Variants in OR2G6 observed in about 807,000 individuals in gnomAD.
OR2G6 encodes olfactory receptor 2G6.
For synonymous variants in OR2G6, 183 were observed against 155.2 expected, an observed-to-expected ratio of 1.18 and a Z score of -1.33; for missense variants, 457 against 391.3, an observed-to-expected ratio of 1.17 and a Z score of -1.42.
Position 248,523,365 on chromosome 1 carries a change from CAAAT to C in OR2G6, c.*771_*774del, listed in dbSNP as rs945189570. The C allele has an allele frequency of 6.6e-6, 1 of 152,068 alleles. No individual in the cohort carries two copies. Among genetic ancestry groups the C allele is most frequent in the African/African-American group, 2.4e-5 (1 of 41,416 alleles). The allele number at this position is 152,068 out of a possible 1,614,324, so 9.4% of individuals were successfully genotyped here. ...ATGACTAATATTTTATTAAAGGAAT[CAAAT>C]AAGCAAACTTGAATTAAGGAGATTG... is the stretch of plus-strand genomic sequence containing the variant. On this transcript the variant is annotated 3_prime_UTR_variant, in exon 2 of 2. Coordinates refer to ENST00000641804, the MANE Select transcript of OR2G6 (RefSeq NM_001013355.2).
At position 248,522,384 on chromosome 1, in the gene OR2G6, T is replaced by G; in HGVS notation, c.738T>G (p.Val246=). ...TTGGGACCTGTTCGTCTCACCTGGT[T>G]GTGGTCATCATTTTCTATGGGACCA... The part of the protein sequence containing the change: ...KAFGTCSSHL[V]VVIIFYGTII... Residue 246 remains valine (V), a synonymous_variant, in exon 2 of 2, where the codon GTT becomes GTG. Coordinates refer to ENST00000641804, the MANE Select transcript of OR2G6 (RefSeq NM_001013355.2). 4 of 1,614,222 alleles carry G rather than the reference T, an allele frequency of 2.5e-6. No homozygotes were observed. Among genetic ancestry groups the G allele is most frequent in the Non-Finnish European group, 3.4e-6 (4 of 1,180,028 alleles).
At position 248,524,379 on chromosome 1, in the gene OR2G6, A is replaced by C. The variant is rs1664353648; in HGVS notation, c.*1782A>C. On this transcript the variant is annotated 3_prime_UTR_variant, in exon 2 of 2. Coordinates refer to ENST00000641804, the MANE Select transcript of OR2G6 (RefSeq NM_001013355.2). ...TATTCTTATGTGATTTTCCTCCTCC[A>C]GTAATGGAGAGGAGAGTTGGGAACT... is the stretch of plus-strand genomic sequence containing the variant. The C allele has an allele frequency of 6.6e-6, 1 of 152,238 alleles. No homozygotes were observed. 9.4% of individuals were successfully genotyped at this position (152,238 alleles called of 1,614,324 possible).
At position 248,526,166 on chromosome 1, in the gene OR2G6, A is replaced by C. The variant is rs1214715675; in HGVS notation, c.*3569A>C. 6.6e-6 allele frequency: 1 copy of C among 152,224 alleles called. No individual in the cohort carries two copies. Among genetic ancestry groups the C allele is most frequent in the Non-Finnish European group, 1.5e-5 (1 of 68,042 alleles). The allele number at this position is 152,224 out of a possible 1,614,324, so 9.4% of individuals were successfully genotyped here. On this transcript the variant is annotated 3_prime_UTR_variant, in exon 2 of 2. Coordinates refer to ENST00000641804, the MANE Select transcript of OR2G6 (RefSeq NM_001013355.2). ...ATGGCCAAAGCTATCCTGAGCAAAA[A>C]GAGGAAAAAAGCTGGAGCCATCACA...
rs1027905654 is a variant in OR2G6, at chr1:248,525,291, G to C, written c.*2694G>C. 1.3e-5 allele frequency: 2 copies of C among 152,052 alleles called. No individual in the cohort carries two copies. The highest frequency in any genetic ancestry group is 2.9e-5 in the Non-Finnish European group (2 of 68,018). 9.4% of individuals were successfully genotyped at this position (152,052 alleles called of 1,614,324 possible). ...GTCAATTTGCACACATTACTAGCTT[G>C]ATCTGCAGAACACGTTTTCAAAGGA... is the stretch of plus-strand genomic sequence containing the variant. On this transcript the variant is annotated 3_prime_UTR_variant, in exon 2 of 2. Coordinates refer to ENST00000641804, the MANE Select transcript of OR2G6 (RefSeq NM_001013355.2).
At chr1:248,520,097 G>T (rs1329262306) in intron 1 of OR2G6, among the ~76,000 whole-genome samples, 2 of 152,178 alleles carry the variant, frequency 1.3e-5, no homozygotes, top group Non-Finnish European at 2.9e-5. Context: ...TGCAGCCATA[G>T]AAAAGGATGC....
chr1:248,519,976 C>CATAT (rs74163884), intron 1 of OR2G6, among the ~76,000 whole-genome samples: 4 of 152,178 alleles, frequency 2.6e-5, no homozygotes, highest in Non-Finnish European at 5.9e-5. Flanking sequence ...CACATGGACA[C>CATAT]ATGTTTATTG....
chr1:248,522,164 C>T lies in OR2G6; in HGVS notation c.518C>T (p.Thr173Ile), dbSNP rs747139861. Residue 173 changes from threonine to isoleucine, a missense_variant, in exon 2 of 2, where the codon ACA (threonine) becomes ATA (isoleucine). Physicochemically the swap from Thr to Ile is moderately conservative, Grantham distance 89. Transcript: ENST00000641804. ...CAGCTGCCCCTCTGTGGTCATCGCA[C>T]ACTGGATCATATTTTCTGTGAGGTG... ...TVQLPLCGHR[T>I]LDHIFCEVPV... 12 of 1,614,188 alleles carry T rather than the reference C, an allele frequency of 7.4e-6. No homozygotes were observed. Among genetic ancestry groups the T allele is most frequent in the Non-Finnish European group, 9.3e-6 (11 of 1,180,032 alleles).
chr1:248,521,864 T>A lies in OR2G6; in HGVS notation c.218T>A (p.Phe73Tyr), dbSNP rs1341330128. The A allele has an allele frequency of 3.3e-5, 53 of 1,614,046 alleles. No individual in the cohort carries two copies. Among genetic ancestry groups the A allele is most frequent in the Non-Finnish European group, 4.2e-5 (50 of 1,180,036 alleles). ...AACCTCTCGTGTGTGGACATCTGCT[T>A]TACCACCAGTGTTGCCCCACAGTTG... ...LSNLSCVDIC[F>Y]TTSVAPQLLV... Residue 73 changes from phenylalanine (F) to tyrosine (Y), a missense_variant, in exon 2 of 2, where the codon TTT becomes TAT. Coordinates refer to ENST00000641804, the MANE Select transcript of OR2G6 (RefSeq NM_001013355.2).
rs754902040 is a variant in OR2G6 at position 248,522,632 on chromosome 1, C to CA, written c.*37dup. 2.0e-5 allele frequency: 29 copies of CA among 1,423,682 alleles called. No homozygotes were observed. The highest frequency in any genetic ancestry group is 9.6e-7 in the Non-Finnish European group (1 of 1,041,132). 88.2% of individuals were successfully genotyped at this position (1,423,682 alleles called of 1,614,324 possible). A position where few individuals can be genotyped will look rare whatever the true frequency, so the allele number is the denominator to read the frequency against. ...GGAATTCTAAACAAGGGAAACACCT[C>CA]AAGGCAGAGTGAGGGTTCATCCTCC... On this transcript the variant is annotated 3_prime_UTR_variant, in exon 2 of 2. Transcript: ENST00000641804.
Position 248,523,140 on chromosome 1 carries a change from GATATATGTATAC to G in OR2G6, c.*550_*561del, listed in dbSNP as rs1267158792. The G allele has an allele frequency of 4.5e-5, 7 of 155,552 alleles. No homozygotes were observed. The highest frequency in any genetic ancestry group is 1.7e-4 in the African/African-American group (7 of 41,396). The allele number at this position is 155,552 out of a possible 1,614,324, so 9.6% of individuals were successfully genotyped here. A position where few individuals can be genotyped will look rare whatever the true frequency, so the allele number is the denominator to read the frequency against. Reference sequence around the variant, plus strand: ...TACCATTTCTACATTTCACATTTGAGATATATGTATACATATATCTCTAACTAGGCAAAGCAA... The same window carrying G: ...TACCATTTCTACATTTCACATTTGAGATATATCTCTAACTAGGCAAAGCAA... On this transcript the variant is annotated 3_prime_UTR_variant, in exon 2 of 2. Transcript: ENST00000641804.
chr1:248,523,517 C>A lies in OR2G6; in HGVS notation c.*920C>A, dbSNP rs1664335503. ...AAACAGTTACTTATGTAATTTTATA[C>A]TTCAAAAATTTGAAATATGAATCCC... On this transcript the variant is annotated 3_prime_UTR_variant, in exon 2 of 2. Transcript: ENST00000641804. 1 of 152,106 alleles carries A rather than the reference C, an allele frequency of 6.6e-6. No individual in the cohort carries two copies. The highest frequency in any genetic ancestry group is 2.4e-5 in the African/African-American group (1 of 41,404). 9.4% of individuals were successfully genotyped at this position (152,106 alleles called of 1,614,324 possible).
Position 248,522,629 on chromosome 1 carries a change from C to T in OR2G6, c.*32C>T, listed in dbSNP as rs1166270205. ...CCTGGAATTCTAAACAAGGGAAACA[C>T]CTCAAGGCAGAGTGAGGGTTCATCC... is the stretch of plus-strand genomic sequence containing the variant. On this transcript the variant is annotated 3_prime_UTR_variant, in exon 2 of 2. Transcript: ENST00000641804. 4 of 1,450,278 alleles carry T rather than the reference C, an allele frequency of 2.8e-6. No individual in the cohort carries two copies. The highest frequency in any genetic ancestry group is 1.4e-5 in the African/African-American group (1 of 70,752). 89.8% of individuals were successfully genotyped at this position (1,450,278 alleles called of 1,614,324 possible). A position where few individuals can be genotyped will look rare whatever the true frequency, so the allele number is the denominator to read the frequency against.
Position 248,522,068 on chromosome 1 carries a change from G to C in OR2G6, c.422G>C (p.Cys141Ser). 1.2e-6 allele frequency: 2 copies of C among 1,614,172 alleles called. No individual in the cohort carries two copies. Among genetic ancestry groups the C allele is most frequent in the Non-Finnish European group, 1.7e-6 (2 of 1,180,034 alleles). ...ATAGCCATTATGCACCCCAGGTTCTGTGCGTCTCTGGCCGGTGGAGCATGG... is the reference window on the plus strand; with the variant it reads ...ATAGCCATTATGCACCCCAGGTTCTCTGCGTCTCTGGCCGGTGGAGCATGG... ...RYIAIMHPRFCASLAGGAWLS... is the reference protein window; with the variant it reads ...RYIAIMHPRFSASLAGGAWLS... Residue 141 changes from cysteine to serine, a missense_variant, in exon 2 of 2, where the codon TGT (cysteine) becomes TCT (serine). Transcript: ENST00000641804.
In OR2G6 at chr1:248,521,745, C is replaced by T. The variant is rs1397235063; in HGVS notation, c.99C>T (p.Tyr33=). The T allele has an allele frequency of 1.2e-6, 2 of 1,613,982 alleles. No individual in the cohort carries two copies. Among genetic ancestry groups the T allele is most frequent in the Non-Finnish European group, 1.7e-6 (2 of 1,179,986 alleles). ...LERFLFAIIL[Y]FYVLSLLGNT... ...GGTTTCTTTTTGCCATCATTTTGTA[C>T]TTCTACGTCTTGAGCCTTCTGGGGA... Residue 33 remains tyrosine (Y), a synonymous_variant, in exon 2 of 2, where the codon TAC becomes TAT. Transcript: ENST00000641804.
At chr1:248,520,076 A>G (rs910686353) in intron 1 of OR2G6, among the ~76,000 whole-genome samples, 2 of 152,210 alleles carry the variant, frequency 1.3e-5, no homozygotes, top group African/African-American at 2.4e-5. Flanking sequence ...CATATACACC[A>G]TGGAATACTA....
At position 248,526,539 on chromosome 1, in the gene OR2G6, T is replaced by C. The variant is rs925491534; in HGVS notation, c.*3942T>C. On this transcript the variant is annotated 3_prime_UTR_variant, in exon 2 of 2. Transcript: ENST00000641804. The stretch of plus-strand genomic sequence containing the variant: ...CTCCCTATACTCATGATTTTTACCT[T>C]CAGGAGTCTCAACAGCTTCTCACTG... 1.3e-5 allele frequency: 2 copies of C among 152,202 alleles called. No homozygotes were observed. The highest frequency in any genetic ancestry group is 2.4e-5 in the African/African-American group (1 of 41,444). 9.4% of individuals were successfully genotyped at this position (152,202 alleles called of 1,614,324 possible). A position where few individuals can be genotyped will look rare whatever the true frequency, so the allele number is the denominator to read the frequency against.
intron 1 of OR2G6, among the ~76,000 whole-genome samples, chr1:248,520,257 C>T (rs962799301): frequency 6.6e-6 from 1 of 152,024 alleles, no homozygotes. Context: ...GGGAACATCA[C>T]ACACCAGGGC....
chr1:248,521,768 G>A lies in OR2G6; in HGVS notation c.122G>A (p.Gly41Glu), dbSNP rs766836212. The stretch of plus-strand genomic sequence containing the variant: ...TACTTCTACGTCTTGAGCCTTCTGG[G>A]GAACACTGCCCTCATACTAGTATGT... ...ILYFYVLSLL[G>E]NTALILVCCL... The change falls in exon 2 of 2, where the codon GGG (glycine) becomes GAG (glutamate). Residue 41 changes from glycine to glutamate, a missense_variant. Transcript: ENST00000641804. 8 of 1,613,884 alleles carry A rather than the reference G, an allele frequency of 5.0e-6. No individual in the cohort carries two copies. In the Admixed American group the frequency reaches 1.3e-4, roughly 27 times the overall value.
Position 248,519,856 on chromosome 1 carries a change from A to G in OR2G6, c.-36-1755A>G, listed in dbSNP as rs142741610. Among the ~76,000 whole-genome samples, 801 of 152,290 alleles carry G rather than the reference A, an allele frequency of 5.3e-3. 2 individuals carry two copies. Among genetic ancestry groups the G allele is most frequent in the Admixed American group, 6.7e-3 (103 of 15,290 alleles). ...TATGAAATTTAAAGTAGTTTTTTCT[A>G]ATTCTGTGAAGAAGGTCAAGCTAGC... On this transcript the variant is annotated intron_variant, in intron 1 of 1. Transcript: ENST00000641804.
Sources: allele counts gnomAD v4.1 joint callset (sites outside exome capture counted in the v4.1 genomes callset), GRCh38; gene constraint gnomAD v4.1.1; transcripts MANE v1.5; gene names NCBI Gene and HGNC (gene_info 2026-07-23, HGNC 2026-07-21).